Variants in SYN3 observed in about 807,000 individuals in gnomAD.
SYN3 encodes the protein synapsin III, also known as synapsin-3.
In SYN3, 35 loss-of-function variants were observed where a neutral mutation model predicts 65.8. The ratio of observed to expected loss-of-function variants is 0.53; its 90% CI spans 0.41 to 0.70. The LOEUF (loss-of-function observed/expected upper bound fraction) is 0.70, where lower values mean the gene tolerates loss of function less well. Among genes scored for constraint, SYN3 ranks in the 30% least tolerant of loss-of-function variants. The pLI is 0.00. For synonymous variants in SYN3, 270 were observed against 292.9 expected, an observed-to-expected ratio of 0.92 and a Z score of 0.80; for missense variants, 680 against 749.0, an observed-to-expected ratio of 0.91 and a Z score of 1.08.
chr22:32,959,921 G>A (rs968463223), intron 3 of SYN3, among the ~76,000 whole-genome samples: 19 of 152,188 alleles, frequency 1.2e-4, no homozygotes, highest in African/African-American at 4.6e-4. Context: ...GAGGCTCAAA[G>A]GGTTCAGGAC....
chr22:33,018,572 A>C (rs1247129604), intron 1 of SYN3, among the ~76,000 whole-genome samples: 4 of 152,222 alleles, frequency 2.6e-5, no homozygotes, highest in Non-Finnish European at 5.9e-5. Context: ...AAGACTTTCC[A>C]TACTTGATGG....
intron 6 of SYN3, among the ~76,000 whole-genome samples, chr22:32,757,442 G>A (rs925584392): frequency 9.2e-5 from 14 of 152,050 alleles, no homozygotes; most frequent in Non-Finnish European, 1.2e-4. Context: ...GGATTACAGC[G>A]GTGCGCCACC....
intron 3 of SYN3, among the ~76,000 whole-genome samples, chr22:32,940,855 A>G (rs1469787999): frequency 1.3e-5 from 2 of 152,226 alleles, no homozygotes; most frequent in Admixed American, 1.3e-4. Context: ...GCAAGATAGG[A>G]TGACCATCCT....
rs560869018 is a variant in SYN3 at position 32,838,169 on chromosome 22, A to G, written c.711+26746T>C. Among the ~76,000 whole-genome samples, 8 of 152,324 alleles carry G rather than the reference A, an allele frequency of 5.3e-5. No homozygotes were observed. The South Asian group carries it at 1.5e-3, about 28-fold the overall frequency. On this transcript the variant is annotated intron_variant, in intron 6 of 13. Transcript: ENST00000358763. ...TTACTGAATCCCCAAGACATGGCAC[A>G]GGATCTGAGATGCATAGTTCCTCAA...
intron 6 of SYN3, among the ~76,000 whole-genome samples, chr22:32,858,518 A>G (rs1569281088): frequency 6.6e-6 from 1 of 152,186 alleles, no homozygotes; most frequent in East Asian, 1.9e-4. Flanking sequence ...ACTCATCGCT[A>G]ACCCCACCCC....
chr22:32,858,836 C>T (rs868370248), intron 6 of SYN3, among the ~76,000 whole-genome samples: 20 of 152,196 alleles, frequency 1.3e-4, no homozygotes, highest in Middle Eastern at 3.4e-3. Context: ...TCTAATTCCT[C>T]GATTCCCTAA....
rs191968289 is a variant in SYN3 at position 32,821,825 on chromosome 22, C to T, written c.711+43090G>A. On this transcript the variant is annotated intron_variant, in intron 6 of 13. Transcript: ENST00000358763. ...AAAGAGGGCCTCATGGTTCCCCCGT[C>T]ACTCACTGCCTTCCACTCCCTGCTT... 2.4e-3 allele frequency among the ~76,000 whole-genome samples: 367 copies of T among 152,338 alleles called. 3 individuals are homozygous for T. The highest frequency in any genetic ancestry group is 6.8e-3 in the Middle Eastern group (2 of 294).
chr22:32,582,019 T>C (rs1243031009), intron 7 of SYN3, among the ~76,000 whole-genome samples: 2 of 151,960 alleles, frequency 1.3e-5, no homozygotes, highest in African/African-American at 4.8e-5. Context: ...AGGCTGGTCT[T>C]GAACTCCTGA....
intron 6 of SYN3, among the ~76,000 whole-genome samples, chr22:32,747,676 G>C (rs2157134): frequency 0.72 from 108,955 of 152,088 alleles, 39,374 homozygotes; most frequent in African/African-American, 0.77. Context: ...TCTGAGCTCT[G>C]AACCACCCAC....
chr22:32,772,825 A>AC (rs2045809125), intron 6 of SYN3, among the ~76,000 whole-genome samples: 1 of 162 alleles, frequency 6.2e-3, no homozygotes, highest in African/African-American at 0.021. Flanking sequence ...TGAAGGGAGG[A>AC]TGCCCTGCCA....
At chr22:33,006,860 A>C in intron 1 of SYN3, 36 bp from the exon 2 acceptor site, 6 of 492,530 alleles carry the variant, frequency 1.2e-5, no homozygotes, top group Non-Finnish European at 1.8e-5. Flanking sequence ...AGTGGAAACG[A>C]CCTCCACCCC....
At chr22:32,999,970 G>A (rs1237968367) in intron 2 of SYN3, among the ~76,000 whole-genome samples, 1 of 152,186 alleles carries the variant, frequency 6.6e-6, no homozygotes, top group Non-Finnish European at 1.5e-5. Context: ...TGAAGCTGCT[G>A]GAAAATTCTA....
intron 13 of SYN3, among the ~76,000 whole-genome samples, chr22:32,516,684 T>C (rs2057783165): frequency 6.6e-6 from 1 of 152,222 alleles, no homozygotes; most frequent in Non-Finnish European, 1.5e-5. Flanking sequence ...TTTAGATCTT[T>C]GAACTATGTG....
chr22:32,568,275 C>T (rs943018733), intron 7 of SYN3, among the ~76,000 whole-genome samples: 1 of 152,198 alleles, frequency 6.6e-6, no homozygotes, highest in Non-Finnish European at 1.5e-5. Flanking sequence ...CTCAGTTCCT[C>T]CTCCAGCTCC....
At chr22:32,693,700 T>C (rs2147168095) in intron 6 of SYN3, among the ~76,000 whole-genome samples, 1 of 148,456 alleles carries the variant, frequency 6.7e-6, no homozygotes, top group South Asian at 2.3e-4. Flanking sequence ...CAAATGATTC[T>C]CCTGCCTCAG....
In SYN3 at chr22:32,509,422, A is replaced by G. The variant is rs377385425; in HGVS notation, c.*4270T>C. On this transcript the variant is annotated 3_prime_UTR_variant, in exon 14 of 14. Coordinates refer to ENST00000358763, the MANE Select transcript of SYN3 (RefSeq NM_003490.4). ...CCTCCTTTTTGCCCTTTCCCATTTCAAAATGTCACAATTATTAAAGGTTAC... is the reference window on the plus strand; with the variant it reads ...CCTCCTTTTTGCCCTTTCCCATTTCGAAATGTCACAATTATTAAAGGTTAC... Among the ~76,000 whole-genome samples the G allele has an allele frequency of 1.8e-4, 27 of 152,274 alleles. 1 individual carries two copies. In the South Asian group the frequency reaches 5.4e-3, roughly 30 times the overall value.
rs553905677 is a variant in SYN3, at chr22:32,666,271, T to C, written c.712-69535A>G. 4.2e-3 allele frequency among the ~76,000 whole-genome samples: 641 copies of C among 152,310 alleles called. 3 individuals carry two copies. Among genetic ancestry groups the C allele is most frequent in the South Asian group, 0.013 (61 of 4,820 alleles). On this transcript the variant is annotated intron_variant, in intron 6 of 13. Transcript: ENST00000358763. ...TCTCCTTGAACCACATGTCGGAGTG[T>C]GTCACTCCTCTATTCAAAACCTCTC...
At chr22:32,654,053 G>T (rs2060109159) in intron 6 of SYN3, among the ~76,000 whole-genome samples, 1 of 152,216 alleles carries the variant, frequency 6.6e-6, no homozygotes, top group Non-Finnish European at 1.5e-5. Flanking sequence ...TATAATGCCA[G>T]GGCCCAGTAC....
At chr22:32,758,358 C>T (rs893407526) in intron 6 of SYN3, among the ~76,000 whole-genome samples, 1 of 151,752 alleles carries the variant, frequency 6.6e-6, no homozygotes, top group Non-Finnish European at 1.5e-5. Context: ...AAATATTGAT[C>T]CTGCGTGTGT....
Sources: gnomAD v4.1 joint callset for allele counts (sites outside exome capture counted in the v4.1 genomes callset) on GRCh38, gnomAD v4.1.1 for gene constraint, MANE v1.5 for transcripts, NCBI Gene and HGNC (gene_info 2026-07-23, HGNC 2026-07-21) for gene names.